EIF3J: variants seen among roughly 807,000 people sequenced by gnomAD.
The protein encoded by EIF3J is eukaryotic translation initiation factor 3 subunit J, also known as eukaryotic translation initiation factor 3, subunit 1 (alpha, 35kD).
Under a neutral mutation model 39.0 loss-of-function variants are expected in EIF3J, and 15 were observed. That is an observed-to-expected ratio of 0.38 (90% confidence interval 0.26 to 0.59). The LOEUF (loss-of-function observed/expected upper bound fraction) is 0.59. Among genes scored for constraint, EIF3J ranks in the 20% least tolerant of loss-of-function variants. EIF3J has a pLI of 0.60. For synonymous variants in EIF3J, 98 were observed against 112.9 expected, an observed-to-expected ratio of 0.87 and a Z score of 0.84; for missense variants, 226 against 308.6, an observed-to-expected ratio of 0.73 and a Z score of 2.00.
chr15:44,539,792 A>G (rs1216159766), intron 2 of EIF3J, among the ~76,000 whole-genome samples: 1 of 142,084 alleles, frequency 7.0e-6, no homozygotes, highest in Non-Finnish European at 1.5e-5. Flanking sequence ...TTTTGAGAGA[A>G]GGTCTCACCC....
In EIF3J at chr15:44,537,196, T is replaced by TGGC. The variant is rs560378535; in HGVS notation, c.23_25dup (p.Ala8dup). Reference sequence around the variant, plus strand: ...ACACACGCTCACACCCGGCTCGAGATGGCGGCGGCGGCGGCGGCGGCGGGG... The same window carrying TGGC: ...ACACACGCTCACACCCGGCTCGAGATGGCGGCGGCGGCGGCGGCGGCGGCGGGG... On this transcript the variant is annotated inframe_insertion, in exon 1 of 8. Transcript: ENST00000261868. 654 of 1,601,536 alleles carry TGGC rather than the reference T, an allele frequency of 4.1e-4. 1 individual carries two copies. The highest frequency in any genetic ancestry group is 1.2e-3 in the South Asian group (108 of 90,390).
intron 2 of EIF3J, among the ~76,000 whole-genome samples, chr15:44,548,260 C>T (rs901584917): frequency 6.6e-6 from 1 of 152,076 alleles, no homozygotes; most frequent in African/African-American, 2.4e-5. Flanking sequence ...ACTAAAAATA[C>T]AAAAATTAGC....
intron 7 of EIF3J, 120 bp from the exon 8 acceptor site, chr15:44,560,897 CT>C: frequency 1.5e-6 from 2 of 1,355,158 alleles, no homozygotes; most frequent in Non-Finnish European, 9.9e-7. Flanking sequence ...TCGGATGTCC[CT>C]TACAGAACTA....
intron 2 of EIF3J, among the ~76,000 whole-genome samples, chr15:44,549,123 G>C (rs1489705405): frequency 6.6e-6 from 1 of 152,178 alleles, no homozygotes; most frequent in East Asian, 1.9e-4. Context: ...GCTGGGCGAA[G>C]TGGCTCATGC....
chr15:44,541,704 C>T (rs2082015774), intron 2 of EIF3J, among the ~76,000 whole-genome samples: 1 of 152,188 alleles, frequency 6.6e-6, no homozygotes, highest in Admixed American at 6.5e-5. Context: ...AGGAAATACC[C>T]AGAAGGTGGG....
rs1374252695 is a variant in EIF3J, at chr15:44,543,789, T to G, written c.147+6362T>G. ...CTAGGTAGCTTCATTATGTCTGCAT[T>G]GATGTGTGTCTGGGGTAAGGTTTAT... On this transcript the variant is annotated intron_variant, in intron 2 of 7. Coordinates refer to ENST00000261868, the MANE Select transcript of EIF3J (RefSeq NM_003758.4). 3.3e-5 allele frequency among the ~76,000 whole-genome samples: 5 copies of G among 152,066 alleles called. No individual in the cohort carries two copies. In the East Asian group the frequency reaches 9.7e-4, roughly 29 times the overall value.
At chr15:44,557,430 G>A (rs1010016986) in intron 5 of EIF3J, 59 bp from the exon 6 acceptor site, 1 of 1,329,926 alleles carries the variant, frequency 7.5e-7, no homozygotes, top group Non-Finnish European at 1.0e-6. Context: ...GCTTTGTAAG[G>A]TTTCATTTTT....
intron 2 of EIF3J, among the ~76,000 whole-genome samples, chr15:44,539,477 C>T (rs1024689307): frequency 1.3e-5 from 2 of 148,276 alleles, no homozygotes; most frequent in African/African-American, 5.0e-5. Flanking sequence ...GCACAATCTC[C>T]GCTCACTGCA....
chr15:44,546,419 G>C (rs1358943405), intron 2 of EIF3J, among the ~76,000 whole-genome samples: 3 of 152,176 alleles, frequency 2.0e-5, no homozygotes, highest in Non-Finnish European at 4.4e-5. Context: ...ACTGGACTTA[G>C]AGATTTTTAT....
In EIF3J at chr15:44,562,035, T is replaced by A. The variant is rs1164520566; in HGVS notation, c.*886T>A. On this transcript the variant is annotated 3_prime_UTR_variant, in exon 8 of 8. Transcript: ENST00000261868. ...TTGTTATGTTAACAATTATGACATC[T>A]GCAATGTTTTATAAAGCAACTAATT... is the stretch of plus-strand genomic sequence containing the variant. The A allele has an allele frequency of 6.6e-6, 1 of 152,646 alleles. No homozygotes were observed. The highest frequency in any genetic ancestry group is 2.4e-5 in the African/African-American group (1 of 41,458). The allele number at this position is 152,646 out of a possible 1,614,324, so 9.5% of individuals were successfully genotyped here.
chr15:44,537,452 C>T, intron 2 of EIF3J, 25 bp downstream of exon 2: 1 of 1,509,270 alleles, frequency 6.6e-7, no homozygotes, highest in South Asian at 1.3e-5. Flanking sequence ...GGGCGCCGGG[C>T]AGCGCGGAAG....
intron 2 of EIF3J, among the ~76,000 whole-genome samples, chr15:44,546,977 A>G (rs2082058735): frequency 6.6e-6 from 1 of 151,396 alleles, no homozygotes; most frequent in Admixed American, 6.6e-5. Context: ...GTGCACCACC[A>G]TGCCCACCTA....
intron 5 of EIF3J, among the ~76,000 whole-genome samples, chr15:44,555,934 T>A (rs2082141048): frequency 6.6e-6 from 1 of 152,136 alleles, no homozygotes. Context: ...ATCGGCTCAC[T>A]GCAACCTCTG....
intron 2 of EIF3J, among the ~76,000 whole-genome samples, chr15:44,547,806 A>C (rs1054421010): frequency 1.3e-5 from 2 of 152,214 alleles, no homozygotes; most frequent in African/African-American, 4.8e-5. Flanking sequence ...AACCAGGCTT[A>C]TGTTGTATGG....
intron 2 of EIF3J, among the ~76,000 whole-genome samples, chr15:44,543,521 C>T (rs1477190053): frequency 6.6e-6 from 1 of 151,074 alleles, no homozygotes; most frequent in Non-Finnish European, 1.5e-5. Context: ...TCAAGCGATT[C>T]TCCTGCCTCA....
At chr15:44,552,318 G>C (rs954725018) in intron 4 of EIF3J, among the ~76,000 whole-genome samples, 3 of 152,016 alleles carry the variant, frequency 2.0e-5, no homozygotes, top group Non-Finnish European at 4.4e-5. Flanking sequence ...TGTGATTTTG[G>C]CTCACTGCAG....
rs146638481 is a variant in EIF3J at position 44,550,890 on chromosome 15, C to T, written c.162C>T (p.Asp54=). 22 of 1,603,456 alleles carry T rather than the reference C, an allele frequency of 1.4e-5. No homozygotes were observed. The highest frequency in any genetic ancestry group is 3.4e-5 in the Admixed American group (2 of 59,608). ...CTTTTCTTTAGGATAACTGGGATGA[C>T]GATGATGATGAAAAAAAAGAGGAAG... ...EDEDVKDNWD[D]DDDEKKEEAE... Residue 54 remains aspartate, a synonymous_variant, in exon 3 of 8, where the codon GAC becomes GAT. Coordinates refer to ENST00000261868, the MANE Select transcript of EIF3J (RefSeq NM_003758.4).
intron 2 of EIF3J, among the ~76,000 whole-genome samples, chr15:44,543,056 A>G (rs1006829865): frequency 6.6e-6 from 1 of 152,196 alleles, no homozygotes; most frequent in Non-Finnish European, 1.5e-5. Context: ...GGAATTTACA[A>G]ACTTCTAATG....
At position 44,561,969 on chromosome 15, in the gene EIF3J, C is replaced by T. The variant is rs1213093590; in HGVS notation, c.*820C>T. On this transcript the variant is annotated 3_prime_UTR_variant, in exon 8 of 8. Transcript: ENST00000261868. ...ATTTCCTTTCCTTTCCTTTATAAAACATGCTCAGCAAACTGCACCAGTTAA... is the reference window on the plus strand; with the variant it reads ...ATTTCCTTTCCTTTCCTTTATAAAATATGCTCAGCAAACTGCACCAGTTAA... The T allele has an allele frequency of 1.3e-5, 2 of 152,594 alleles. No homozygotes were observed. Among genetic ancestry groups the T allele is most frequent in the Admixed American group, 6.5e-5 (1 of 15,276 alleles). 9.5% of individuals were successfully genotyped at this position (152,594 alleles called of 1,614,324 possible).
Sources: allele counts gnomAD v4.1 joint callset (sites outside exome capture counted in the v4.1 genomes callset), GRCh38; gene constraint gnomAD v4.1.1; transcripts MANE v1.5; gene names NCBI Gene and HGNC (gene_info 2026-07-23, HGNC 2026-07-21).